The following MTA1 variants were observed in gnomAD, a reference collection of about 807,000 sequenced individuals.
MTA1 encodes metastasis-associated protein MTA1.
MTA1 carries 15 observed loss-of-function variants against 97.0 expected under a neutral mutation model. That is an observed-to-expected ratio of 0.15 (90% CI 0.10 to 0.24). The LOEUF (loss-of-function observed/expected upper bound fraction) is 0.24. Among genes scored for constraint, MTA1 ranks in the 10% least tolerant of loss-of-function variants. The pLI, the probability that MTA1 is intolerant of heterozygous loss-of-function variation, is 1.00. For missense variants in MTA1, 709 were observed against 1,015.1 expected (o/e 0.70, Z 4.10); for synonymous variants, 435 against 417.5 (o/e 1.04, Z -0.51).
intron 3 of MTA1, among the ~76,000 whole-genome samples, chr14:105,446,372 G>C (rs1294287700): frequency 1.3e-5 from 2 of 152,232 alleles, no homozygotes; most frequent in South Asian, 2.1e-4. Flanking sequence ...TTCCCAGTAG[G>C]TGAGGCATGT....
chr14:105,466,208 G>A (rs1055740733), intron 16 of MTA1: 4 of 589,136 alleles, frequency 6.8e-6, no homozygotes, highest in Non-Finnish European at 1.2e-5. Flanking sequence ...CTGGGGTGCG[G>A]GACTGGCCCG....
At chr14:105,468,670 C>G (rs2083698267) in intron 18 of MTA1, among the ~76,000 whole-genome samples, 1 of 152,192 alleles carries the variant, frequency 6.6e-6, no homozygotes, top group Non-Finnish European at 1.5e-5. Flanking sequence ...TCCGATGCCC[C>G]TGGGCCCTGG....
intron 10 of MTA1, among the ~76,000 whole-genome samples, chr14:105,461,671 C>CTCCA (rs2083352411): frequency 6.6e-6 from 1 of 152,144 alleles, no homozygotes; most frequent in Non-Finnish European, 1.5e-5. Flanking sequence ...AGGCTGGAGA[C>CTCCA]GCATCTGGAA....
chr14:105,469,527 G>A lies in MTA1; in HGVS notation c.1845+29G>A, dbSNP rs369334787. 72 of 1,610,876 alleles carry A rather than the reference G, an allele frequency of 4.5e-5. 1 individual carries two copies. Among genetic ancestry groups the A allele is most frequent in the African/African-American group, 1.6e-4 (12 of 74,898 alleles). On this transcript the variant is annotated intron_variant, in intron 19 of 20. Transcript: ENST00000331320. The stretch of plus-strand genomic sequence containing the variant: ...AGAGGAACAACCCATGATGGGGTAC[G>A]GTGCGCTCACCCATGAGCTCTCTGG...
intron 2 of MTA1, among the ~76,000 whole-genome samples, chr14:105,444,322 C>A (rs1423380256): frequency 1.3e-5 from 2 of 151,784 alleles, no homozygotes; most frequent in Non-Finnish European, 2.9e-5. Flanking sequence ...TTGCAGTGAG[C>A]CGAGATTGCA....
chr14:105,452,162 G>C (rs1418714766), intron 6 of MTA1, among the ~76,000 whole-genome samples: 1 of 152,208 alleles, frequency 6.6e-6, no homozygotes, highest in Non-Finnish European at 1.5e-5. Flanking sequence ...ACAGGCTCAG[G>C]GTGAGTACAC....
rs782621537 is a variant in MTA1 at position 105,458,339 on chromosome 14, A to C, written c.620A>C (p.Asp207Ala). 29 of 1,612,734 alleles carry C rather than the reference A, an allele frequency of 1.8e-5. No individual in the cohort carries two copies. Among genetic ancestry groups the C allele is most frequent in the Non-Finnish European group, 2.5e-5 (29 of 1,179,928 alleles). Residue 207 changes from aspartate (D) to alanine (A), a missense_variant, in exon 8 of 21, where the codon GAC becomes GCC. Transcript: ENST00000331320. ...TGGGAGGCGCACAACCCACTCACAG[A>C]CAAGCAGATCGACCAGTTCCTGGTG... ...QVWEAHNPLT[D>A]KQIDQFLVVA...
chr14:105,469,593 G>A (rs587612318), intron 19 of MTA1, 95 bp downstream of exon 19: 13 of 1,449,354 alleles, frequency 9.0e-6, no homozygotes, highest in African/African-American at 2.8e-5. Context: ...CAGGTGCCAC[G>A]TGGAAGCTTC....
intron 1 of MTA1, among the ~76,000 whole-genome samples, chr14:105,434,601 C>T (rs1460188589): frequency 6.6e-6 from 1 of 150,526 alleles, no homozygotes; most frequent in African/African-American, 2.4e-5. Context: ...CGGGTTCAAG[C>T]GATTGTCCTG....
intron 3 of MTA1, among the ~76,000 whole-genome samples, chr14:105,448,769 C>T (rs930857341): frequency 2.2e-4 from 34 of 152,356 alleles, no homozygotes; most frequent in Middle Eastern, 6.8e-3. Context: ...CCTGGGAGGG[C>T]CCAGAGGAGC....
At chr14:105,451,020 A>G (rs782654887) in intron 6 of MTA1, among the ~76,000 whole-genome samples, 11 of 152,206 alleles carry the variant, frequency 7.2e-5, no homozygotes, top group Non-Finnish European at 1.3e-4. Flanking sequence ...GGGCAGGCGC[A>G]TCTCCAGGCC....
chr14:105,443,308 G>A (rs781855159), intron 2 of MTA1, among the ~76,000 whole-genome samples: 3 of 152,168 alleles, frequency 2.0e-5, no homozygotes, highest in Admixed American at 6.5e-5. Flanking sequence ...TTCCACCCTC[G>A]AGAACGCCCG....
intron 18 of MTA1, chr14:105,467,441 GC>G (rs1314993645): frequency 2.2e-6 from 1 of 455,990 alleles, no homozygotes. Flanking sequence ...GGTAGTGGCT[GC>G]CCAGCCCAGC....
intron 18 of MTA1, chr14:105,467,167 T>C: frequency 2.7e-6 from 1 of 366,346 alleles, no homozygotes; most frequent in Non-Finnish European, 5.3e-6. Context: ...CAACTGAGCT[T>C]GTACACATGG....
At chr14:105,433,932 A>G (rs1555423883) in intron 1 of MTA1, among the ~76,000 whole-genome samples, 1 of 152,074 alleles carries the variant, frequency 6.6e-6, no homozygotes, top group African/African-American at 2.4e-5. Flanking sequence ...GGTTCAAGCG[A>G]TTCCCCTGCC....
chr14:105,425,813 G>A (rs1247693529), intron 1 of MTA1, among the ~76,000 whole-genome samples: 6 of 151,736 alleles, frequency 4.0e-5, no homozygotes, highest in African/African-American at 1.5e-4. Flanking sequence ...CCAGCACCTC[G>A]CCCCTATACC....
chr14:105,464,618 G>T (rs782186791), intron 14 of MTA1, 51 bp downstream of exon 14: 5 of 1,609,792 alleles, frequency 3.1e-6, no homozygotes, highest in South Asian at 2.2e-5. Flanking sequence ...CGGCCACGCG[G>T]GTCCTCGGCC....
intron 1 of MTA1, 95 bp from the exon 2 acceptor site, chr14:105,438,577 G>A (rs2082400681): frequency 1.9e-6 from 2 of 1,068,282 alleles, no homozygotes; most frequent in South Asian, 1.3e-5. Context: ...GGATGACACT[G>A]CCCCGCCTGA....
chr14:105,448,855 CT>C lies in MTA1; in HGVS notation c.191-502del. 1.3e-5 allele frequency among the ~76,000 whole-genome samples: 2 copies of C among 152,386 alleles called. 1 individual carries two copies. The highest frequency in any genetic ancestry group is 4.1e-4 in the South Asian group (2 of 4,832). On this transcript the variant is annotated intron_variant, in intron 3 of 20. Coordinates refer to ENST00000331320, the MANE Select transcript of MTA1 (RefSeq NM_004689.4). ...GCTGGCTGTGGTCCCATCTGGGGAC[CT>C]TGGGCTCAGAGAGCCGGCAGGGCGC...
Sources: allele counts gnomAD v4.1 joint callset (sites outside exome capture counted in the v4.1 genomes callset), GRCh38; gene constraint gnomAD v4.1.1; transcripts MANE v1.5; gene names NCBI Gene and HGNC (gene_info 2026-07-23, HGNC 2026-07-21).